Variants in NDUFAF7 observed in about 807,000 individuals in gnomAD.
NDUFAF7 encodes the protein protein arginine methyltransferase NDUFAF7, mitochondrial.
A neutral mutation model predicts 47.2 loss-of-function variants in NDUFAF7; 48 were observed. The ratio of observed to expected loss-of-function variants is 1.02; its 90% CI spans 0.81 to 1.29. The LOEUF (loss-of-function observed/expected upper bound fraction) is 1.29. Ranked by LOEUF, NDUFAF7 falls within the 50% of genes most tolerant of loss-of-function variation. The probability of loss-of-function intolerance (pLI) is 0.00; values close to 1 mark genes in which losing one functional copy is unlikely to be tolerated. For synonymous variants in NDUFAF7, 217 were observed against 190.0 expected, an observed-to-expected ratio of 1.14 and a Z score of -1.17; for missense variants, 635 against 537.6, an observed-to-expected ratio of 1.18 and a Z score of -1.79.
chr2:37,267,127 A>C, the NDUFAF7 span, among the ~76,000 whole-genome samples: 2 of 152,252 alleles, frequency 1.3e-5, no homozygotes, highest in African/African-American at 4.8e-5. Flanking sequence ...TATGACAAGC[A>C]TGTCACCTGT....
rs1667120873 is a variant in NDUFAF7 at position 37,248,161 on chromosome 2, A to G, written c.1137A>G (p.Pro379=). ...TTCTTTTAGATAAATCAAATGAGCC[A>G]TCAGTGAGGCAGCAGTTACTTCAAG... The part of the protein sequence containing the change: ...LKVLLDKSNE[P]SVRQQLLQGY... Residue 379 remains proline, a synonymous_variant, in exon 10 of 10, where the codon CCA becomes CCG. Coordinates refer to ENST00000002125, the MANE Select transcript of NDUFAF7 (RefSeq NM_144736.5). 3.1e-6 allele frequency: 5 copies of G among 1,613,846 alleles called. No homozygotes were observed. The highest frequency in any genetic ancestry group is 1.3e-5 in the African/African-American group (1 of 74,932).
chr2:37,245,716 C>T (rs556525203), intron 7 of NDUFAF7, among the ~76,000 whole-genome samples: 2 of 152,102 alleles, frequency 1.3e-5, no homozygotes, highest in Non-Finnish European at 2.9e-5. Context: ...TGCTTTCAAC[C>T]TAGAGGAATG....
intron 8 of NDUFAF7, among the ~76,000 whole-genome samples, chr2:37,246,763 T>TTATTG (rs146141975): frequency 7.2e-5 from 11 of 152,020 alleles, no homozygotes; most frequent in African/African-American, 2.7e-4. Context: ...ATTTCTAACT[T>TTATTG]TATCTAAAAA....
At chr2:37,240,712 A>G (rs553111897) in intron 4 of NDUFAF7, among the ~76,000 whole-genome samples, 4 of 152,268 alleles carry the variant, frequency 2.6e-5, no homozygotes, top group South Asian at 2.1e-4. Flanking sequence ...AAAATGTATG[A>G]AGGATGCTTT....
downstream of NDUFAF7, chr2:37,254,171 G>A (rs748062333): frequency 1.3e-6 from 2 of 1,490,902 alleles, no homozygotes; most frequent in East Asian, 2.3e-5. Flanking sequence ...ACTCAAATGA[G>A]GATTGCCAAA....
intron 2 of NDUFAF7, among the ~76,000 whole-genome samples, chr2:37,235,617 T>A (rs1311231288): frequency 6.7e-6 from 1 of 149,998 alleles, no homozygotes; most frequent in Non-Finnish European, 1.5e-5. Flanking sequence ...AAAATTTGGG[T>A]AAAGACACCA....
At chr2:37,235,881 A>G (rs1665700036) in intron 2 of NDUFAF7, among the ~76,000 whole-genome samples, 1 of 152,076 alleles carries the variant, frequency 6.6e-6, no homozygotes. Context: ...GATGGTCTCA[A>G]TCTCCTGACT....
At chr2:37,264,851 G>A in the NDUFAF7 span, among the ~76,000 whole-genome samples, 9 of 152,134 alleles carry the variant, frequency 5.9e-5, no homozygotes, top group Admixed American at 1.3e-4. Flanking sequence ...CTAAAAATGG[G>A]ATGTGCTCAT....
downstream of NDUFAF7, among the ~76,000 whole-genome samples, chr2:37,250,337 G>A (rs1450769129): frequency 1.3e-5 from 2 of 152,094 alleles, no homozygotes; most frequent in African/African-American, 4.8e-5. Context: ...TATAATTAAG[G>A]GGCTAGAGTC....
chr2:37,242,713 G>C lies in NDUFAF7; in HGVS notation c.681+20G>C, dbSNP rs1226531985. 6.4e-7 allele frequency: 1 copy of C among 1,552,850 alleles called. No individual in the cohort carries two copies. The highest frequency in any genetic ancestry group is 8.9e-7 in the Non-Finnish European group (1 of 1,124,974). On this transcript the variant is annotated intron_variant, in intron 6 of 9. Coordinates refer to ENST00000002125, the MANE Select transcript of NDUFAF7 (RefSeq NM_144736.5). Reference sequence around the variant, plus strand: ...TTTCAGGTATTGAGGGGGGAAAAAAGTCATGTCTATAATTGAATACAAAAG... The same window carrying C: ...TTTCAGGTATTGAGGGGGGAAAAAACTCATGTCTATAATTGAATACAAAAG...
downstream of NDUFAF7, chr2:37,252,765 A>G (rs1667595629): frequency 6.6e-6 from 1 of 151,730 alleles, no homozygotes; most frequent in South Asian, 2.1e-4. Context: ...TAAGTCTTGT[A>G]TAATTTAGCC....
At chr2:37,250,279 A>ATGAGT (rs1275243398), downstream of NDUFAF7, among the ~76,000 whole-genome samples, 1 of 152,142 alleles carries the variant, frequency 6.6e-6, no homozygotes, top group African/African-American at 2.4e-5. Flanking sequence ...TTTTTGAAAG[A>ATGAGT]TGAGTTAAAC....
chr2:37,265,954 A>G, the NDUFAF7 span, among the ~76,000 whole-genome samples: 1 of 152,234 alleles, frequency 6.6e-6, no homozygotes, highest in Admixed American at 6.5e-5. Flanking sequence ...ATCCATAGGA[A>G]TATATCCTTA....
downstream of NDUFAF7, chr2:37,250,499 A>C (rs1667399710): frequency 6.6e-6 from 1 of 152,194 alleles, no homozygotes; most frequent in Non-Finnish European, 1.5e-5. Context: ...TAATCAACTC[A>C]AATTTAGTAG....
chr2:37,245,550 A>G (rs1572564877), intron 7 of NDUFAF7, among the ~76,000 whole-genome samples: 1 of 152,286 alleles, frequency 6.6e-6, no homozygotes, highest in South Asian at 2.1e-4. Flanking sequence ...TCATTGGGAT[A>G]CTTTCTGGCA....
chr2:37,257,907 T>G (rs1259190780), downstream of NDUFAF7, among the ~76,000 whole-genome samples: 1 of 152,098 alleles, frequency 6.6e-6, no homozygotes, highest in Non-Finnish European at 1.5e-5. Context: ...GATGTTTAGA[T>G]TTGAAAACAG....
the NDUFAF7 span, among the ~76,000 whole-genome samples, chr2:37,258,412 A>G: frequency 3.3e-5 from 5 of 152,326 alleles, no homozygotes; most frequent in East Asian, 7.7e-4. Context: ...TAAGGTAAAG[A>G]TGACTTGGAA....
intron 6 of NDUFAF7, among the ~76,000 whole-genome samples, chr2:37,243,154 G>T (rs1285620227): frequency 1.3e-5 from 2 of 151,648 alleles, no homozygotes; most frequent in Admixed American, 1.3e-4. Context: ...AAAAATTATA[G>T]ATTAAACTTT....
intron 9 of NDUFAF7, 146 bp downstream of exon 9, chr2:37,247,775 A>G: frequency 1.0e-6 from 1 of 991,250 alleles, no homozygotes; most frequent in Non-Finnish European, 1.5e-6. Context: ...AGGATTTAGT[A>G]ACTAGTCTGG....
Sources: allele counts gnomAD v4.1 joint callset (sites outside exome capture counted in the v4.1 genomes callset), GRCh38; gene constraint gnomAD v4.1.1; transcripts MANE v1.5; gene names NCBI Gene and HGNC (gene_info 2026-07-23, HGNC 2026-07-21).